DYNC1I1: variants seen among roughly 807,000 people sequenced by gnomAD.
The protein encoded by DYNC1I1 is dynein cytoplasmic 1 intermediate chain 1.
DYNC1I1 carries 43 observed loss-of-function variants against 86.6 expected under a neutral mutation model. That is an observed-to-expected ratio of 0.50 (90% CI 0.39 to 0.64). The LOEUF (loss-of-function observed/expected upper bound fraction) is 0.64. Ranked by LOEUF, DYNC1I1 falls within the 30% of genes least tolerant of loss-of-function variation. DYNC1I1 has a pLI of 0.00. For missense variants in DYNC1I1, 604 were observed against 788.8 expected (o/e 0.77, Z 2.81); for synonymous variants, 262 against 283.7 (o/e 0.92, Z 0.77).
intron 6 of DYNC1I1, among the ~76,000 whole-genome samples, chr7:95,884,378 C>T (rs1790536768): frequency 6.6e-6 from 1 of 151,794 alleles, no homozygotes; most frequent in African/African-American, 2.4e-5. Flanking sequence ...GGATTACAGA[C>T]ATGAACCACT....
intron 1 of DYNC1I1, among the ~76,000 whole-genome samples, chr7:95,791,993 G>A (rs1015887765): frequency 6.6e-6 from 1 of 152,194 alleles, no homozygotes; most frequent in Non-Finnish European, 1.5e-5. Context: ...ATTTATTGAT[G>A]ATTGGAAAGT....
At chr7:96,051,123 G>A (rs1789392727) in intron 14 of DYNC1I1, among the ~76,000 whole-genome samples, 1 of 152,092 alleles carries the variant, frequency 6.6e-6, no homozygotes, top group South Asian at 2.1e-4. Context: ...TTAGTTTAGT[G>A]GCTAGACAAG....
chr7:95,930,284 T>TG lies in DYNC1I1; in HGVS notation c.491-47224dup, dbSNP rs569914577. On this transcript the variant is annotated intron_variant, in intron 6 of 16. Transcript: ENST00000447467. ...TAGCTAAATGTGTTTTACTAATGAT[T>TG]GGGGTGGCATTAATTGTAATTACTT... is the stretch of plus-strand genomic sequence containing the variant. 4.1e-4 allele frequency among the ~76,000 whole-genome samples: 63 copies of TG among 152,352 alleles called. No homozygotes were observed. In the East Asian group the frequency reaches 0.011, roughly 26 times the overall value.
chr7:95,868,237 T>C (rs1790067162), intron 5 of DYNC1I1, among the ~76,000 whole-genome samples: 1 of 152,236 alleles, frequency 6.6e-6, no homozygotes, highest in African/African-American at 2.4e-5. Flanking sequence ...CCAGCGAGGC[T>C]TGTCCTCTAA....
intron 3 of DYNC1I1, 49 bp from the exon 4 acceptor site, chr7:95,813,198 C>T: frequency 1.2e-6 from 2 of 1,611,408 alleles, no homozygotes; most frequent in Non-Finnish European, 1.7e-6. Context: ...TTCACCAGTG[C>T]AGCCGCTGCA....
At chr7:95,817,074 G>T (rs536420356) in intron 4 of DYNC1I1, among the ~76,000 whole-genome samples, 1 of 152,192 alleles carries the variant, frequency 6.6e-6, no homozygotes, top group African/African-American at 2.4e-5. Flanking sequence ...TGATACTCAT[G>T]TGGTAGGTAT....
chr7:95,804,698 C>CT (rs533284088), intron 1 of DYNC1I1, 23 bp from the exon 2 acceptor site: 397 of 1,528,820 alleles, frequency 2.6e-4, no homozygotes, highest in South Asian at 7.9e-4. Flanking sequence ...TATATGTTCA[C>CT]TTTTTTTTTC....
intron 5 of DYNC1I1, among the ~76,000 whole-genome samples, chr7:95,866,149 A>C (rs1268830259): frequency 1.3e-5 from 2 of 152,330 alleles, no homozygotes; most frequent in East Asian, 3.9e-4. Flanking sequence ...ATCCCTAAGC[A>C]AAAGGTCTTT....
chr7:95,940,115 A>G (rs369912418), intron 6 of DYNC1I1, among the ~76,000 whole-genome samples: 31 of 151,680 alleles, frequency 2.0e-4, no homozygotes, highest in African/African-American at 6.5e-4. Context: ...TAAGAATGTT[A>G]AATATTGGCC....
chr7:95,936,956 T>TCACACACACACACACACACA lies in DYNC1I1; in HGVS notation c.491-40541_491-40522dup, dbSNP rs57989893. Among the ~76,000 whole-genome samples the TCACACACACACACACACACA allele has an allele frequency of 1.3e-3, 171 of 134,266 alleles. 1 individual carries two copies. The highest frequency in any genetic ancestry group is 3.6e-3 in the Middle Eastern group (1 of 280). The allele number at this position is 134,266 out of a possible 152,430, so 88.1% of individuals were successfully genotyped here. Reference sequence around the variant, plus strand: ...CAAAGGAATGGATAAAGAATATGTCTCACACACACACACACACACACACAC... The same window carrying TCACACACACACACACACACA: ...CAAAGGAATGGATAAAGAATATGTCTCACACACACACACACACACACACACACACACACACACACACACAC... On this transcript the variant is annotated intron_variant, in intron 6 of 16. Coordinates refer to ENST00000447467, the MANE Select transcript of DYNC1I1 (RefSeq NM_001135556.2).
intron 6 of DYNC1I1, among the ~76,000 whole-genome samples, chr7:95,915,478 A>T (rs1364482437): frequency 6.6e-6 from 1 of 152,212 alleles, no homozygotes; most frequent in African/African-American, 2.4e-5. Flanking sequence ...CTTCAGGTAA[A>T]GCTATTTTTT....
chr7:95,892,108 C>G (rs1450143253), intron 6 of DYNC1I1, among the ~76,000 whole-genome samples: 1 of 151,952 alleles, frequency 6.6e-6, no homozygotes, highest in Non-Finnish European at 1.5e-5. Flanking sequence ...GCTGTGATTA[C>G]AGGCATGCAC....
At chr7:96,017,401 A>C (rs934240758) in intron 10 of DYNC1I1, among the ~76,000 whole-genome samples, 1 of 152,210 alleles carries the variant, frequency 6.6e-6, no homozygotes, top group African/African-American at 2.4e-5. Context: ...TTTTCTAAAA[A>C]AGAGACAAGA....
intron 6 of DYNC1I1, among the ~76,000 whole-genome samples, chr7:95,891,362 T>C (rs1037037509): frequency 2.6e-5 from 4 of 152,068 alleles, no homozygotes; most frequent in African/African-American, 7.2e-5. Flanking sequence ...TATTCAACGG[T>C]TTTGCGTTTG....
chr7:95,995,007 A>G (rs2007497), intron 9 of DYNC1I1, among the ~76,000 whole-genome samples: 108,230 of 151,428 alleles, frequency 0.71, 39,225 homozygotes, highest in African/African-American at 0.83. Context: ...CAGCACTTTG[A>G]GAGGCCGAGG....
At chr7:95,852,358 CTTTTA>C (rs1584278394) in intron 5 of DYNC1I1, among the ~76,000 whole-genome samples, 1 of 151,788 alleles carries the variant, frequency 6.6e-6, no homozygotes, top group African/African-American at 2.4e-5. Context: ...ATAATATCTT[CTTTTA>C]TATTTTTGAT....
intron 11 of DYNC1I1, among the ~76,000 whole-genome samples, chr7:96,032,053 A>G (rs1329692748): frequency 2.0e-5 from 3 of 152,100 alleles, no homozygotes; most frequent in Non-Finnish European, 4.4e-5. Context: ...AAAAATAAAT[A>G]TATTATTATC....
intron 5 of DYNC1I1, among the ~76,000 whole-genome samples, chr7:95,836,111 C>T (rs1789080715): frequency 6.6e-6 from 1 of 152,060 alleles, no homozygotes; most frequent in South Asian, 2.1e-4. Flanking sequence ...TGGCTGGTAC[C>T]AATTGTTCCT....
At chr7:95,951,008 G>C (rs1399234044) in intron 6 of DYNC1I1, among the ~76,000 whole-genome samples, 1 of 152,162 alleles carries the variant, frequency 6.6e-6, no homozygotes, top group African/African-American at 2.4e-5. Context: ...AGCCAAGAAG[G>C]AACAGAGTCG....
Sources: allele counts gnomAD v4.1 joint callset (sites outside exome capture counted in the v4.1 genomes callset), GRCh38; gene constraint gnomAD v4.1.1; transcripts MANE v1.5; gene names NCBI Gene and HGNC (gene_info 2026-07-23, HGNC 2026-07-21).